Variants in ZBTB7C observed in about 807,000 individuals in gnomAD.
ZBTB7C encodes the protein zinc finger and BTB domain-containing protein 7C.
Under a neutral mutation model 25.7 loss-of-function variants are expected in ZBTB7C, and 8 were observed. The ratio of observed to expected loss-of-function variants is 0.31; its 90% CI spans 0.18 to 0.56. The LOEUF is 0.56. Among genes scored for constraint, ZBTB7C ranks in the 20% least tolerant of loss-of-function variants. The pLI is 0.91. For missense variants in ZBTB7C, 824 were observed against 855.2 expected (o/e 0.96, Z 0.46); for synonymous variants, 394 against 369.0 (o/e 1.07, Z -0.78).
intron 3 of ZBTB7C, among the ~76,000 whole-genome samples, chr18:48,073,210 A>G (rs1359040387): frequency 6.6e-6 from 1 of 152,142 alleles, no homozygotes; most frequent in East Asian, 1.9e-4. Context: ...AAGCAAGCAG[A>G]CACTATAATA....
At chr18:48,280,895 C>G (rs1300327775) in intron 2 of ZBTB7C, among the ~76,000 whole-genome samples, 1 of 140,342 alleles carries the variant, frequency 7.1e-6, no homozygotes, top group Non-Finnish European at 1.5e-5. Context: ...GTTCTGTCAT[C>G]CAGGCTAGAG....
At chr18:48,166,263 C>T (rs1245442079) in intron 3 of ZBTB7C, among the ~76,000 whole-genome samples, 2 of 152,136 alleles carry the variant, frequency 1.3e-5, no homozygotes, top group Non-Finnish European at 2.9e-5. Flanking sequence ...ACCTTGGTAC[C>T]ACTAATCTAC....
At position 48,029,758 on chromosome 18, in the gene ZBTB7C, G is replaced by T. The variant is rs1436985610; in HGVS notation, c.1362C>A (p.Tyr454Ter). The change falls in exon 5 of 5, where the codon TAC becomes TAA. Residue 454 changes from tyrosine (Y) to a stop codon, truncating the protein, a stop_gained. Coordinates refer to ENST00000590800, the MANE Select transcript of ZBTB7C (RefSeq NM_001318841.2). LOFTEE classifies it low-confidence loss of function (END_TRUNC). The part of the protein sequence containing the change: ...GVRPYQCEFC[Y>*]KSFTRSDHLH... ...GGTGGTCAGAGCGCGTGAAGCTCTT[G>T]TAGCAGAACTCGCACTGGTAGGGCC... 1 of 1,608,410 alleles carries T rather than the reference G, an allele frequency of 6.2e-7. No homozygotes were observed. Among genetic ancestry groups the T allele is most frequent in the Non-Finnish European group, 8.5e-7 (1 of 1,179,996 alleles).
At chr18:48,301,517 G>T (rs1223950488) in intron 2 of ZBTB7C, among the ~76,000 whole-genome samples, 1 of 152,112 alleles carries the variant, frequency 6.6e-6, no homozygotes, top group East Asian at 1.9e-4. Context: ...CTCAGCAGGG[G>T]GCTGAGGGAG....
chr18:48,086,904 T>A (rs1568207125), intron 3 of ZBTB7C, among the ~76,000 whole-genome samples: 1 of 152,242 alleles, frequency 6.6e-6, no homozygotes, highest in African/African-American at 2.4e-5. Flanking sequence ...TTTGCAAATA[T>A]TAATAATAAT....
At chr18:48,049,711 C>A (rs1357229740) in intron 3 of ZBTB7C, among the ~76,000 whole-genome samples, 2 of 152,192 alleles carry the variant, frequency 1.3e-5, no homozygotes, top group South Asian at 2.1e-4. Context: ...CCAAGTCACG[C>A]AGCTAGAAAA....
chr18:48,371,317 T>C (rs1380668609), intron 1 of ZBTB7C, among the ~76,000 whole-genome samples: 1 of 152,176 alleles, frequency 6.6e-6, no homozygotes, highest in Non-Finnish European at 1.5e-5. Context: ...TGGACCCTCA[T>C]GATATTTTGT....
intron 2 of ZBTB7C, among the ~76,000 whole-genome samples, chr18:48,237,572 T>C (rs1188124126): frequency 1.3e-5 from 2 of 151,986 alleles, no homozygotes; most frequent in South Asian, 4.1e-4. Context: ...CAATACTAAG[T>C]GTTGACAAGA....
At chr18:48,252,219 C>T (rs113809179) in intron 2 of ZBTB7C, 21 of 152,284 alleles carry the variant, frequency 1.4e-4, no homozygotes, top group African/African-American at 5.1e-4. Flanking sequence ...TGGACTCAAC[C>T]CAGGGGTTGA....
intron 1 of ZBTB7C, among the ~76,000 whole-genome samples, chr18:48,355,843 TG>T (rs2046965814): frequency 6.6e-6 from 1 of 152,182 alleles, no homozygotes; most frequent in African/African-American, 2.4e-5. Flanking sequence ...TCTGAGTGGG[TG>T]GGGGTAGGTC....
intron 1 of ZBTB7C, among the ~76,000 whole-genome samples, chr18:48,371,966 A>G (rs1356030674): frequency 4.6e-5 from 7 of 152,188 alleles, no homozygotes; most frequent in Admixed American, 4.6e-4. Context: ...GCCAGGAGAC[A>G]TGGTCCATCC....
At chr18:48,371,968 G>A (rs1168141189) in intron 1 of ZBTB7C, among the ~76,000 whole-genome samples, 1 of 152,134 alleles carries the variant, frequency 6.6e-6, no homozygotes, top group Non-Finnish European at 1.5e-5. Flanking sequence ...CAGGAGACAT[G>A]GTCCATCCTG....
intron 2 of ZBTB7C, among the ~76,000 whole-genome samples, chr18:48,186,207 G>A (rs976895640): frequency 3.9e-5 from 6 of 152,088 alleles, no homozygotes; most frequent in Non-Finnish European, 1.5e-5. Flanking sequence ...CTCGGCCCAC[G>A]CTGCCTCCCT....
At chr18:48,069,823 G>A (rs2037475720) in intron 3 of ZBTB7C, among the ~76,000 whole-genome samples, 1 of 152,204 alleles carries the variant, frequency 6.6e-6, no homozygotes, top group African/African-American at 2.4e-5. Context: ...TTTGAGCCAT[G>A]GTGGTAGATC....
chr18:48,145,611 G>A (rs2040474466), intron 3 of ZBTB7C, among the ~76,000 whole-genome samples: 1 of 152,226 alleles, frequency 6.6e-6, no homozygotes, highest in South Asian at 2.1e-4. Context: ...CAGATAAGAA[G>A]AGGAAGTGGG....
Position 48,233,223 on chromosome 18 carries a change from G to T in ZBTB7C, c.-78-47228C>A, listed in dbSNP as rs147367257. 4.9e-4 allele frequency among the ~76,000 whole-genome samples: 75 copies of T among 152,052 alleles called. 3 individuals are homozygous for T. In the East Asian group the frequency reaches 0.014, roughly 29 times the overall value. The stretch of plus-strand genomic sequence containing the variant: ...TAAAATGACAAGTTTGCACTCTCTC[G>T]CGCGCACGCTCTCTCTCTCCCTTCA... On this transcript the variant is annotated intron_variant, in intron 2 of 4. Coordinates refer to ENST00000590800, the MANE Select transcript of ZBTB7C (RefSeq NM_001318841.2).
intron 1 of ZBTB7C, among the ~76,000 whole-genome samples, chr18:48,367,691 C>T (rs2047278400): frequency 6.6e-6 from 1 of 152,002 alleles, no homozygotes; most frequent in African/African-American, 2.4e-5. Context: ...TCAGCAAAGG[C>T]CACATGGGGA....
intron 3 of ZBTB7C, among the ~76,000 whole-genome samples, chr18:48,130,490 G>A (rs1036599784): frequency 1.3e-5 from 2 of 152,088 alleles, no homozygotes; most frequent in South Asian, 2.1e-4. Flanking sequence ...CTTGAAGAGC[G>A]TGACTGTCTT....
intron 2 of ZBTB7C, among the ~76,000 whole-genome samples, chr18:48,200,230 G>A (rs1268119776): frequency 1.3e-5 from 2 of 152,042 alleles, no homozygotes; most frequent in African/African-American, 4.8e-5. Flanking sequence ...GAGTAGGCAC[G>A]GTGACCCCAA....
Sources: allele counts gnomAD v4.1 joint callset (sites outside exome capture counted in the v4.1 genomes callset), GRCh38; gene constraint gnomAD v4.1.1; transcripts MANE v1.5; gene names NCBI Gene and HGNC (gene_info 2026-07-23, HGNC 2026-07-21).